The following IDE variants were observed in gnomAD, a reference collection of about 807,000 sequenced individuals.
IDE encodes insulin-degrading enzyme.
Under a neutral mutation model 133.2 loss-of-function variants are expected in IDE, and 58 were observed. That is an observed-to-expected ratio of 0.44 (90% confidence interval 0.35 to 0.54). The LOEUF (loss-of-function observed/expected upper bound fraction) is 0.54. IDE is among the 20% of genes least tolerant of loss of function. The pLI, the probability that IDE is intolerant of heterozygous loss-of-function variation, is 0.00. For synonymous variants in IDE, 396 were observed against 421.3 expected (o/e 0.94, Z 0.73); for missense variants, 981 against 1,234.0 (o/e 0.79, Z 3.07).
rs545697769 is a variant in IDE, at chr10:92,470,464, C to T, written c.2117-119G>A. 8.6e-4 allele frequency: 415 copies of T among 484,342 alleles called. 3 individuals are homozygous for T. Among genetic ancestry groups the T allele is most frequent in the Non-Finnish European group, 1.3e-3 (343 of 269,114 alleles). 30.0% of individuals were successfully genotyped at this position (484,342 alleles called of 1,614,324 possible). ...ACACAGAGCTCCTGTAAACACTTCA[C>T]CTAGTTTTCCCTAATGTTAACATCT... On this transcript the variant is annotated intron_variant, in intron 17 of 24. Coordinates refer to ENST00000265986, the MANE Select transcript of IDE (RefSeq NM_004969.4).
At chr10:92,516,409 A>C (rs1235100288) in intron 4 of IDE, among the ~76,000 whole-genome samples, 1 of 152,044 alleles carries the variant, frequency 6.6e-6, no homozygotes, top group African/African-American at 2.4e-5. Context: ...GATGAGAATC[A>C]CTTGAACCCA....
rs773528083 is a variant in IDE at position 92,474,926 on chromosome 10, C to T, written c.2031G>A (p.Gln677=). 5.6e-6 allele frequency: 9 copies of T among 1,613,190 alleles called. No individual in the cohort carries two copies. Among genetic ancestry groups the T allele is most frequent in the South Asian group, 5.5e-5 (5 of 91,044 alleles). The change falls in exon 17 of 25, where the codon CAG becomes CAA. Residue 677 remains glutamine (Q), a synonymous_variant. Transcript: ENST00000265986. ...GGTAGTACATGGCATGCTGGTGAGG[C>T]TGTTCAGCCCGGAAATTGTTAAGAG... ...MRSLNNFRAE[Q]PHQHAMYYLR...
chr10:92,465,210 A>G (rs1845613561), intron 20 of IDE, among the ~76,000 whole-genome samples: 3 of 152,072 alleles, frequency 2.0e-5, no homozygotes, highest in Non-Finnish European at 4.4e-5. Context: ...TTCTTTCCTC[A>G]TTGATCAAAT....
chr10:92,461,295 G>T (rs372503165), intron 21 of IDE, 43 bp from the exon 22 acceptor site: 3 of 957,890 alleles, frequency 3.1e-6, no homozygotes, highest in Non-Finnish European at 5.1e-6. Context: ...ATTTTCATAT[G>T]AAGCAGCCCA....
intron 11 of IDE, among the ~76,000 whole-genome samples, chr10:92,502,262 T>C (rs1156778480): frequency 1.3e-5 from 2 of 152,250 alleles, no homozygotes; most frequent in Admixed American, 1.3e-4. Context: ...TCTCCTAATG[T>C]ATGACTATAG....
chr10:92,570,848 G>A (rs1221063315), intron 1 of IDE, among the ~76,000 whole-genome samples: 1 of 151,876 alleles, frequency 6.6e-6, no homozygotes, highest in Admixed American at 6.6e-5. Context: ...CCCAAGAGAT[G>A]AAGGCTGCAG....
intron 4 of IDE, among the ~76,000 whole-genome samples, chr10:92,518,769 G>T (rs943323084): frequency 2.0e-5 from 3 of 152,034 alleles, no homozygotes; most frequent in Non-Finnish European, 4.4e-5. Context: ...ACAAAATGTT[G>T]AATGAAAAAA....
At chr10:92,501,462 G>A (rs1848010685) in intron 11 of IDE, among the ~76,000 whole-genome samples, 2 of 137,512 alleles carry the variant, frequency 1.5e-5, no homozygotes. Context: ...ACAAAGTCAA[G>A]AGATCGAGAC....
intron 20 of IDE, among the ~76,000 whole-genome samples, chr10:92,464,613 A>C (rs1845572452): frequency 6.6e-6 from 1 of 152,154 alleles, no homozygotes; most frequent in Non-Finnish European, 1.5e-5. Context: ...CACCTCCAAC[A>C]GCTGTGGTGC....
chr10:92,528,479 A>G (rs765526607), intron 4 of IDE, among the ~76,000 whole-genome samples: 33 of 151,962 alleles, frequency 2.2e-4, no homozygotes, highest in Non-Finnish European at 3.7e-4. Flanking sequence ...AAAAAACAGA[A>G]TATAAGGGAA....
At position 92,468,643 on chromosome 10, in the gene IDE, G is replaced by A. The variant is rs999872823; in HGVS notation, c.2320+236C>T. On this transcript the variant is annotated intron_variant, in intron 19 of 24. Transcript: ENST00000265986. ...CTAATTCCCCTTCATTCAAGTACCC[G>A]TCAATTCCAGTATCATTCTCTTCAA... Among the ~76,000 whole-genome samples the A allele has an allele frequency of 1.4e-4, 21 of 151,856 alleles. 1 individual carries two copies. The highest frequency in any genetic ancestry group is 7.2e-4 in the Admixed American group (11 of 15,238).
rs74756087 is a variant in IDE, at chr10:92,497,665, A to G, written c.1431-7070T>C. ...GTCTCAGCGGGTATTAAAGAAGGTA[A>G]TCTTACCCTTGAGCCACCCTAGTCT... On this transcript the variant is annotated intron_variant, in intron 11 of 24. Transcript: ENST00000265986. 2.7e-3 allele frequency: 2,515 copies of G among 944,704 alleles called. 70 individuals are homozygous for G. In the African/African-American group the frequency reaches 0.042, roughly 16 times the overall value. 58.5% of individuals were successfully genotyped at this position (944,704 alleles called of 1,614,324 possible). A position where few individuals can be genotyped will look rare whatever the true frequency, so the allele number is the denominator to read the frequency against.
At chr10:92,538,260 T>TA (rs1842120581) in intron 1 of IDE, among the ~76,000 whole-genome samples, 1 of 152,322 alleles carries the variant, frequency 6.6e-6, no homozygotes, top group African/African-American at 2.4e-5. Flanking sequence ...ATTACTGGGT[T>TA]AGCCCAAACA....
At chr10:92,505,510 T>C (rs73323695) in intron 10 of IDE, among the ~76,000 whole-genome samples, 152 of 152,290 alleles carry the variant, frequency 1.0e-3, no homozygotes, top group African/African-American at 3.1e-3. Flanking sequence ...CCACACACTA[T>C]GGATACAAAA....
intron 22 of IDE, among the ~76,000 whole-genome samples, chr10:92,460,136 C>T (rs529579261): frequency 2.6e-5 from 4 of 152,138 alleles, no homozygotes; most frequent in Admixed American, 6.6e-5. Flanking sequence ...CACGCCCAGC[C>T]GGTGTGAATC....
At chr10:92,552,494 T>A (rs1216743741) in intron 1 of IDE, among the ~76,000 whole-genome samples, 1 of 152,154 alleles carries the variant, frequency 6.6e-6, no homozygotes, top group South Asian at 2.1e-4. Context: ...GGCACTAGAC[T>A]GGCCGGCCAC....
At chr10:92,538,220 A>G (rs1256424349) in intron 1 of IDE, among the ~76,000 whole-genome samples, 2 of 152,196 alleles carry the variant, frequency 1.3e-5, no homozygotes, top group African/African-American at 2.4e-5. Flanking sequence ...ATCTGCTAGA[A>G]TAAGTGAGGT....
chr10:92,564,598 C>T (rs1283867733), intron 1 of IDE, among the ~76,000 whole-genome samples: 7 of 130,574 alleles, frequency 5.4e-5, no homozygotes, highest in Admixed American at 9.2e-5. Flanking sequence ...TGCTTGAACA[C>T]GAGAGACAGG....
At chr10:92,552,869 A>AAAAAAAAAAAAAAAC (rs1842850263) in intron 1 of IDE, among the ~76,000 whole-genome samples, 1 of 149,242 alleles carries the variant, frequency 6.7e-6, no homozygotes, top group Non-Finnish European at 1.5e-5. Flanking sequence ...AAAAAAAAAA[A>AAAAAAAAAAAAAAAC]AAAAAAAAAT....
Sources: gnomAD v4.1 joint callset for allele counts (sites outside exome capture counted in the v4.1 genomes callset) on GRCh38, gnomAD v4.1.1 for gene constraint, MANE v1.5 for transcripts, NCBI Gene and HGNC (gene_info 2026-07-23, HGNC 2026-07-21) for gene names.